Variants in SYCE1L observed in about 807,000 individuals in gnomAD.
SYCE1L encodes the protein synaptonemal complex central element protein 1-like.
A neutral mutation model predicts 39.6 loss-of-function variants in SYCE1L; 51 were observed. The ratio of observed to expected loss-of-function variants is 1.29; its 90% CI spans 1.03 to 1.63. SYCE1L has a LOEUF of 1.63. Ranked by LOEUF, SYCE1L falls within the 40% of genes most tolerant of loss-of-function variation. The probability of loss-of-function intolerance (pLI) is 0.00; values close to 1 mark genes in which losing one functional copy is unlikely to be tolerated. For missense variants in SYCE1L, 426 were observed against 304.9 expected (o/e 1.40, Z -2.96); for synonymous variants, 147 against 122.4 (o/e 1.20, Z -1.33).
At chr16:77,200,291 T>TATACACAC in intron 1 of SYCE1L, 7 of 111,428 alleles carry the variant, frequency 6.3e-5, no homozygotes, top group African/African-American at 2.4e-4. Flanking sequence ...TATATATATA[T>TATACACAC]ACACACACTA....
At position 77,212,909 on chromosome 16, in the gene SYCE1L, T is replaced by G; in HGVS notation, c.707T>G (p.Val236Gly). ...ARDEEDPEPP[V>G]AAPDAL ...GACGAGGAGGATCCCGAGCCGCCGGTGGCTGCCCCTGACGCCCTCTAGGCC... is the reference window on the plus strand; with the variant it reads ...GACGAGGAGGATCCCGAGCCGCCGGGGGCTGCCCCTGACGCCCTCTAGGCC... Residue 236 changes from valine (V) to glycine (G), a missense_variant, in exon 11 of 11, where the codon GTG (valine) becomes GGG (glycine). By Grantham distance (109) the Val-to-Gly change is moderately radical. Coordinates refer to ENST00000378644, the MANE Select transcript of SYCE1L (RefSeq NM_001129979.3). 2.0e-6 allele frequency: 3 copies of G among 1,528,990 alleles called. No individual in the cohort carries two copies. The highest frequency in any genetic ancestry group is 1.8e-6 in the Non-Finnish European group (2 of 1,139,780). 94.7% of individuals were successfully genotyped at this position (1,528,990 alleles called of 1,614,324 possible).
chr16:77,207,918 T>G (rs969798758), intron 2 of SYCE1L, among the ~76,000 whole-genome samples: 13 of 152,196 alleles, frequency 8.5e-5, no homozygotes, highest in Non-Finnish European at 1.5e-4. Flanking sequence ...CTGGGGCCTT[T>G]GCATATCCCC....
intron 1 of SYCE1L, among the ~76,000 whole-genome samples, chr16:77,204,178 A>G (rs1228581040): frequency 6.6e-6 from 1 of 152,204 alleles, no homozygotes; most frequent in Non-Finnish European, 1.5e-5. Flanking sequence ...TCCATAATAT[A>G]CATTCCCTTT....
Position 77,199,444 on chromosome 16 carries a change from G to A in SYCE1L, c.-8G>A, listed in dbSNP as rs1309598208. On this transcript the variant is annotated 5_prime_UTR_variant, in exon 1 of 11. Transcript: ENST00000378644. ...AGCGAGGCTCGCGCGCAGGCCCCGC[G>A]TTGGAAAATGGCGGGGAAGCTGAAA... is the stretch of plus-strand genomic sequence containing the variant. 7.7e-6 allele frequency: 12 copies of A among 1,551,510 alleles called. No homozygotes were observed. The highest frequency in any genetic ancestry group is 1.2e-5 in the South Asian group (1 of 84,054).
chr16:77,208,166 C>T (rs75077644), intron 2 of SYCE1L, 44 bp from the exon 3 acceptor site: 117,204 of 1,532,568 alleles, frequency 0.076, 4,909 homozygotes, highest in Non-Finnish European at 0.086. Flanking sequence ...GACAGCCAGA[C>T]ACCAGTCTTC....
chr16:77,212,987 G>T lies in SYCE1L; in HGVS notation c.*56G>T. 7.0e-7 allele frequency: 1 copy of T among 1,430,302 alleles called. No individual in the cohort carries two copies. The highest frequency in any genetic ancestry group is 9.3e-7 in the Non-Finnish European group (1 of 1,080,348). 88.6% of individuals were successfully genotyped at this position (1,430,302 alleles called of 1,614,324 possible). On this transcript the variant is annotated 3_prime_UTR_variant, in exon 11 of 11. Coordinates refer to ENST00000378644, the MANE Select transcript of SYCE1L (RefSeq NM_001129979.3). Reference sequence around the variant, plus strand: ...CCTCGAGACCCGCCAAGAAATAAAGGCGATGATTTCCGACCATGCTCGCGT... The same window carrying T: ...CCTCGAGACCCGCCAAGAAATAAAGTCGATGATTTCCGACCATGCTCGCGT...
chr16:77,209,015 G>A lies in SYCE1L; in HGVS notation c.257-82G>A, dbSNP rs1162512249. On this transcript the variant is annotated intron_variant, in intron 4 of 10. Transcript: ENST00000378644. ...CTCCTAGGGCTGTACTACACCTTCTGTGTGGCTTTCCCCTTATATGAAGTT... is the reference window on the plus strand; with the variant it reads ...CTCCTAGGGCTGTACTACACCTTCTATGTGGCTTTCCCCTTATATGAAGTT... 44 of 1,448,272 alleles carry A rather than the reference G, an allele frequency of 3.0e-5. No homozygotes were observed. In the Admixed American group the frequency reaches 6.1e-4, roughly 20 times the overall value. 89.7% of individuals were successfully genotyped at this position (1,448,272 alleles called of 1,614,324 possible). A position where few individuals can be genotyped will look rare whatever the true frequency, so the allele number is the denominator to read the frequency against.
intron 5 of SYCE1L, 96 bp from the exon 6 acceptor site, chr16:77,209,321 C>G: frequency 7.1e-7 from 1 of 1,404,824 alleles, no homozygotes; most frequent in Non-Finnish European, 9.9e-7. Flanking sequence ...CCTCACAGTG[C>G]CCTCCAATGC....
At position 77,212,961 on chromosome 16, in the gene SYCE1L, C is replaced by A. The variant is rs1225669530; in HGVS notation, c.*30C>A. 5 of 1,466,632 alleles carry A rather than the reference C, an allele frequency of 3.4e-6. No individual in the cohort carries two copies. Among genetic ancestry groups the A allele is most frequent in the Non-Finnish European group, 3.6e-6 (4 of 1,104,814 alleles). The allele number at this position is 1,466,632 out of a possible 1,614,324, so 90.9% of individuals were successfully genotyped here. On this transcript the variant is annotated 3_prime_UTR_variant, in exon 11 of 11. Transcript: ENST00000378644. The stretch of plus-strand genomic sequence containing the variant: ...GCAGGACCCGCCCGTTCCCGACCTT[C>A]CCTCGAGACCCGCCAAGAAATAAAG...
intron 1 of SYCE1L, chr16:77,201,516 C>G (rs1183497007): frequency 6.6e-6 from 1 of 152,146 alleles, no homozygotes; most frequent in East Asian, 1.9e-4. Flanking sequence ...GGGAAGAGAG[C>G]TGACTCAAAG....
At chr16:77,206,085 A>G (rs1366725046) in intron 1 of SYCE1L, among the ~76,000 whole-genome samples, 2 of 152,236 alleles carry the variant, frequency 1.3e-5, no homozygotes, top group Non-Finnish European at 2.9e-5. Flanking sequence ...AGAAATTCAT[A>G]TGAAATCTTC....
chr16:77,210,682 G>A (rs941231232), intron 6 of SYCE1L, among the ~76,000 whole-genome samples: 1 of 152,082 alleles, frequency 6.6e-6, no homozygotes, highest in African/African-American at 2.4e-5. Flanking sequence ...ATTACCACAC[G>A]CCTCACAAAG....
Position 77,199,432 on chromosome 16 carries a change from C to G in SYCE1L, c.-20C>G. On this transcript the variant is annotated 5_prime_UTR_variant, in exon 1 of 11. Coordinates refer to ENST00000378644, the MANE Select transcript of SYCE1L (RefSeq NM_001129979.3). Reference sequence around the variant, plus strand: ...AACCAGTCATCAAGCGAGGCTCGCGCGCAGGCCCCGCGTTGGAAAATGGCG... The same window carrying G: ...AACCAGTCATCAAGCGAGGCTCGCGGGCAGGCCCCGCGTTGGAAAATGGCG... 1.3e-6 allele frequency: 2 copies of G among 1,551,264 alleles called. No homozygotes were observed. The highest frequency in any genetic ancestry group is 1.2e-5 in the South Asian group (1 of 84,040).
chr16:77,211,140 C>T, intron 6 of SYCE1L, 73 bp from the exon 7 acceptor site: 7 of 1,499,712 alleles, frequency 4.7e-6, no homozygotes, highest in Non-Finnish European at 5.5e-6. Context: ...ATCTGAAGGC[C>T]TGTGCATGAG....
chr16:77,205,742 T>C (rs1403598048), intron 1 of SYCE1L, among the ~76,000 whole-genome samples: 2 of 152,104 alleles, frequency 1.3e-5, no homozygotes, highest in African/African-American at 4.8e-5. Context: ...TGAGATTCCA[T>C]CCCGCTTTTT....
chr16:77,211,341 G>T, intron 7 of SYCE1L, 65 bp downstream of exon 7: 1 of 1,535,694 alleles, frequency 6.5e-7, no homozygotes. Context: ...GCACTGACTG[G>T]CCCAGAGTCC....
chr16:77,212,945 GC>G lies in SYCE1L; in HGVS notation c.*17del. 6.7e-7 allele frequency: 1 copy of G among 1,491,456 alleles called. No homozygotes were observed. Among genetic ancestry groups the G allele is most frequent in the East Asian group, 2.5e-5 (1 of 39,250 alleles). The allele number at this position is 1,491,456 out of a possible 1,614,324, so 92.4% of individuals were successfully genotyped here. On this transcript the variant is annotated 3_prime_UTR_variant, in exon 11 of 11. Transcript: ENST00000378644. Reference sequence around the variant, plus strand: ...GACGCCCTCTAGGCCAGCAGGACCCGCCCGTTCCCGACCTTCCCTCGAGACC... The same window carrying G: ...GACGCCCTCTAGGCCAGCAGGACCCGCCGTTCCCGACCTTCCCTCGAGACC...
intron 1 of SYCE1L, 76 bp downstream of exon 1, chr16:77,199,588 T>C: frequency 9.1e-7 from 1 of 1,095,370 alleles, no homozygotes. Context: ...CCCATTACAA[T>C]AATGAAATAA....
At chr16:77,207,925 C>T (rs943760813) in intron 2 of SYCE1L, among the ~76,000 whole-genome samples, 1 of 152,160 alleles carries the variant, frequency 6.6e-6, no homozygotes, top group African/African-American at 2.4e-5. Flanking sequence ...CTTTGCATAT[C>T]CCCAGACATG....
Sources: allele counts gnomAD v4.1 joint callset (sites outside exome capture counted in the v4.1 genomes callset), GRCh38; gene constraint gnomAD v4.1.1; transcripts MANE v1.5; gene names NCBI Gene and HGNC (gene_info 2026-07-23, HGNC 2026-07-21).